The following CCDC134 variants were observed in gnomAD, a reference collection of about 807,000 sequenced individuals.
The protein encoded by CCDC134 is coiled-coil domain containing 134, also known as coiled-coil domain-containing protein 134.
Under a neutral mutation model 25.6 loss-of-function variants are expected in CCDC134, and 27 were observed. The observed-to-expected ratio is 1.05, with a 90% CI of 0.78 to 1.45. The LOEUF is 1.45. CCDC134 is among the 40% of genes most tolerant of loss of function. The pLI, the probability that CCDC134 is intolerant of heterozygous loss-of-function variation, is 0.00. For synonymous variants in CCDC134, 110 were observed against 115.0 expected (o/e 0.96, Z 0.28); for missense variants, 261 against 286.7 (o/e 0.91, Z 0.65).
rs2076684455 is a variant in CCDC134 at position 41,827,278 on chromosome 22, G to A, written c.*1455G>A. On this transcript the variant is annotated 3_prime_UTR_variant, in exon 7 of 7. Coordinates refer to ENST00000255784, the MANE Select transcript of CCDC134 (RefSeq NM_024821.5). ...TTTCCCCATCAGAAGGCCCCTCACT[G>A]GGCAGTGGAGGCAGGGCAGTGTGGT... 6.6e-6 allele frequency among the ~76,000 whole-genome samples: 1 copy of A among 152,180 alleles called. No homozygotes were observed. Among genetic ancestry groups the A allele is most frequent in the African/African-American group, 2.4e-5 (1 of 41,432 alleles).
chr22:41,809,709 G>A (rs60774635), intron 2 of CCDC134, among the ~76,000 whole-genome samples, 170 bp from the exon 3 acceptor site: 5 of 152,336 alleles, frequency 3.3e-5, no homozygotes, highest in Non-Finnish European at 5.9e-5. Flanking sequence ...TGAATAGTGC[G>A]TTGCAGGTCC....
At chr22:41,824,099 T>C (rs956848449) in intron 6 of CCDC134, among the ~76,000 whole-genome samples, 4 of 152,230 alleles carry the variant, frequency 2.6e-5, no homozygotes, top group African/African-American at 9.6e-5. Context: ...CCTACCCTCA[T>C]GGAATGTGCT....
At position 41,819,941 on chromosome 22, in the gene CCDC134, G is replaced by A. The variant is rs377321994; in HGVS notation, c.565-5757G>A. 2.5e-4 allele frequency among the ~76,000 whole-genome samples: 35 copies of A among 139,788 alleles called. No individual in the cohort carries two copies. In the South Asian group the frequency reaches 7.9e-3, roughly 32 times the overall value. The allele number at this position is 139,788 out of a possible 152,430, so 91.7% of individuals were successfully genotyped here. On this transcript the variant is annotated intron_variant, in intron 6 of 6. Coordinates refer to ENST00000255784, the MANE Select transcript of CCDC134 (RefSeq NM_024821.5). ...TGGCACCTACCCTGAGGGACCTGGA[G>A]AGCAGGCTGTGACTTACCACTTTAT... is the stretch of plus-strand genomic sequence containing the variant.
chr22:41,813,886 C>CT, intron 6 of CCDC134, 64 bp downstream of exon 6: 1 of 1,491,598 alleles, frequency 6.7e-7, no homozygotes, highest in Non-Finnish European at 9.3e-7. Flanking sequence ...ACACCGAGGC[C>CT]TGCAGGGGCT....
intron 3 of CCDC134, 30 bp downstream of exon 3, chr22:41,810,030 A>G: frequency 1.2e-6 from 2 of 1,613,014 alleles, no homozygotes; most frequent in East Asian, 2.2e-5. Context: ...AGCTCATGGC[A>G]GGTCCAGTCT....
At chr22:41,814,510 T>TG (rs1353072621) in intron 6 of CCDC134, among the ~76,000 whole-genome samples, 1 of 150,558 alleles carries the variant, frequency 6.6e-6, no homozygotes, top group Non-Finnish European at 1.5e-5. Context: ...GAGGTTGCAG[T>TG]GAGCTGAGAT....
chr22:41,817,617 A>G (rs888931116), intron 6 of CCDC134, among the ~76,000 whole-genome samples: 5 of 151,950 alleles, frequency 3.3e-5, no homozygotes, highest in Non-Finnish European at 5.9e-5. Flanking sequence ...CTGTAGTCCC[A>G]GCTACTCGGG....
intron 1 of CCDC134, among the ~76,000 whole-genome samples, chr22:41,808,586 C>T (rs5996070): frequency 7.2e-5 from 11 of 152,300 alleles, no homozygotes; most frequent in African/African-American, 1.9e-4. Context: ...GTCCCAGAGA[C>T]GGGCGGGGGC....
In CCDC134 at chr22:41,813,446, G is replaced by A; in HGVS notation, c.492+1G>A. 2 of 1,614,216 alleles carry A rather than the reference G, an allele frequency of 1.2e-6. No homozygotes were observed. Among genetic ancestry groups the A allele is most frequent in the Non-Finnish European group, 1.7e-6 (2 of 1,180,042 alleles). ...GCCCCACTCGCCCATCCTCAGCCTG[G>A]TAAGGACTGGGGTGGAGGTGGCCCG... On this transcript the variant is annotated splice_donor_variant, in intron 5 of 6. Transcript: ENST00000255784. LOFTEE classifies it high-confidence loss of function.
chr22:41,829,458 C>T lies in CCDC134; in HGVS notation c.*3635C>T, dbSNP rs1023089437. Among the ~76,000 whole-genome samples the T allele has an allele frequency of 9.2e-5, 14 of 152,204 alleles. No homozygotes were observed. The highest frequency in any genetic ancestry group is 3.3e-4 in the Admixed American group (5 of 15,276). On this transcript the variant is annotated 3_prime_UTR_variant, in exon 7 of 7. Transcript: ENST00000255784. ...CCGGTTACTACCTGATAATTCTCATCGCTTATGTTTCCAAAACCAAACTGG... is the reference window on the plus strand; with the variant it reads ...CCGGTTACTACCTGATAATTCTCATTGCTTATGTTTCCAAAACCAAACTGG...
At chr22:41,807,585 G>T (rs1199305241) in intron 1 of CCDC134, among the ~76,000 whole-genome samples, 1 of 151,016 alleles carries the variant, frequency 6.6e-6, no homozygotes, top group African/African-American at 2.4e-5. Context: ...AAAATTACAG[G>T]AACTAACAAA....
At chr22:41,818,749 C>G (rs1046394752) in intron 6 of CCDC134, among the ~76,000 whole-genome samples, 1 of 152,218 alleles carries the variant, frequency 6.6e-6, no homozygotes, top group Non-Finnish European at 1.5e-5. Flanking sequence ...CAATCATTAC[C>G]CTGATAAATG....
In CCDC134 at chr22:41,813,840, A is replaced by T. The variant is rs370069198; in HGVS notation, c.564+18A>T. On this transcript the variant is annotated intron_variant, in intron 6 of 6. Coordinates refer to ENST00000255784, the MANE Select transcript of CCDC134 (RefSeq NM_024821.5). ...GCACAGAGGTGAGCTGCCAGGGCCT[A>T]TGCCTGTGTCTGCTTTGCCTCTGCT... 1.1e-4 allele frequency: 181 copies of T among 1,612,266 alleles called. No individual in the cohort carries two copies. The highest frequency in any genetic ancestry group is 1.4e-4 in the Non-Finnish European group (169 of 1,178,432).
At chr22:41,818,945 A>T (rs2148316782) in intron 6 of CCDC134, among the ~76,000 whole-genome samples, 1 of 152,270 alleles carries the variant, frequency 6.6e-6, no homozygotes, top group African/African-American at 2.4e-5. Context: ...ACGCAGGAGG[A>T]GGGTGACAGC....
intron 2 of CCDC134, 45 bp downstream of exon 2, chr22:41,809,038 A>G (rs747064815): frequency 4.1e-6 from 6 of 1,479,124 alleles, no homozygotes; most frequent in Non-Finnish European, 5.6e-6. Context: ...TGAGAGGTCT[A>G]TAAATGAGGT....
At chr22:41,817,071 A>G (rs1003996043) in intron 6 of CCDC134, among the ~76,000 whole-genome samples, 1 of 152,190 alleles carries the variant, frequency 6.6e-6, no homozygotes, top group Non-Finnish European at 1.5e-5. Context: ...GAGACCTGTT[A>G]TATCTCTTCT....
At chr22:41,822,927 C>G (rs865922159) in intron 6 of CCDC134, among the ~76,000 whole-genome samples, 1 of 152,216 alleles carries the variant, frequency 6.6e-6, no homozygotes, top group African/African-American at 2.4e-5. Context: ...TCAATCTAAC[C>G]TGGTAGGCAG....
At chr22:41,819,492 A>G (rs181999385) in intron 6 of CCDC134, among the ~76,000 whole-genome samples, 2 of 152,324 alleles carry the variant, frequency 1.3e-5, no homozygotes, top group East Asian at 1.9e-4. Flanking sequence ...TGCATCCCAC[A>G]TTCATTCATT....
intron 6 of CCDC134, among the ~76,000 whole-genome samples, chr22:41,818,523 G>C (rs1016863403): frequency 2.0e-5 from 3 of 152,234 alleles, no homozygotes; most frequent in East Asian, 1.9e-4. Context: ...CAGGCCAGCT[G>C]TGTTGACTCT....
Sources: gnomAD v4.1 joint callset for allele counts (sites outside exome capture counted in the v4.1 genomes callset) on GRCh38, gnomAD v4.1.1 for gene constraint, MANE v1.5 for transcripts, NCBI Gene and HGNC (gene_info 2026-07-23, HGNC 2026-07-21) for gene names.